RAD18: variants seen among roughly 807,000 people sequenced by gnomAD.
The protein encoded by RAD18 is RAD18 E3 ubiquitin protein ligase, also known as E3 ubiquitin-protein ligase RAD18.
In RAD18, 47 loss-of-function variants were observed where a neutral mutation model predicts 60.4. The observed-to-expected ratio is 0.78, with a 90% CI of 0.62 to 0.99. The LOEUF is 0.99. RAD18 is among the 50% of genes least tolerant of loss of function. The probability of loss-of-function intolerance (pLI) is 0.00; values close to 1 mark genes in which losing one functional copy is unlikely to be tolerated. For synonymous variants in RAD18, 225 were observed against 195.5 expected (o/e 1.15, Z -1.26); for missense variants, 640 against 593.3 (o/e 1.08, Z -0.82).
chr3:8,955,620 G>A (rs1940996151), intron 2 of RAD18, among the ~76,000 whole-genome samples: 3 of 152,192 alleles, frequency 2.0e-5, no homozygotes, highest in Admixed American at 2.0e-4. Context: ...TTAGATGCTT[G>A]AGGGCAGCTG....
Position 8,935,873 on chromosome 3 carries a change from G to A in RAD18, c.887C>T (p.Ser296Leu). The A allele has an allele frequency of 6.4e-7, 1 of 1,573,674 alleles. No homozygotes were observed. The highest frequency in any genetic ancestry group is 8.6e-7 in the Non-Finnish European group (1 of 1,163,556). Reference sequence around the variant, plus strand: ...AACTCACTGTTTTATTACTTTACCTGATTTAGGATGCAAAGCATCGCATTG... The same window carrying A: ...AACTCACTGTTTTATTACTTTACCTAATTTAGGATGCAAAGCATCGCATTG... ...NAQCDALHPK[S>L]AAEIVREIEN... Residue 296 changes from serine to leucine, a missense_variant and splice_region_variant, in exon 7 of 13, where the codon TCA becomes TTA. Physicochemically the swap from Ser to Leu is moderately radical, Grantham distance 145. Transcript: ENST00000264926.
At chr3:8,950,645 C>A (rs1046661174) in intron 2 of RAD18, among the ~76,000 whole-genome samples, 1 of 152,168 alleles carries the variant, frequency 6.6e-6, no homozygotes, top group Admixed American at 6.5e-5. Context: ...AACAAAAAAA[C>A]CACAAGGAAA....
chr3:8,915,022 G>A (rs892397186), intron 7 of RAD18, among the ~76,000 whole-genome samples: 66 of 151,620 alleles, frequency 4.4e-4, no homozygotes, highest in African/African-American at 1.4e-3. Flanking sequence ...GGTGGGGGGC[G>A]CCTATAGTCC....
Position 8,877,937 on chromosome 3 carries a change from A to G in RAD18, c.*3420T>C, listed in dbSNP as rs1939391979. 1 of 152,294 alleles carries G rather than the reference A, an allele frequency of 6.6e-6. No individual in the cohort carries two copies. Among genetic ancestry groups the G allele is most frequent in the African/African-American group, 2.4e-5 (1 of 41,468 alleles). 9.4% of individuals were successfully genotyped at this position (152,294 alleles called of 1,614,324 possible). A position where few individuals can be genotyped will look rare whatever the true frequency, so the allele number is the denominator to read the frequency against. ...TGATAGTACACTAGCAAACCAGGAAAGCACACTCCCATTTCCACTTGGAAC... is the reference window on the plus strand; with the variant it reads ...TGATAGTACACTAGCAAACCAGGAAGGCACACTCCCATTTCCACTTGGAAC... On this transcript the variant is annotated 3_prime_UTR_variant, in exon 13 of 13. Coordinates refer to ENST00000264926, the MANE Select transcript of RAD18 (RefSeq NM_020165.4).
chr3:8,952,868 T>C (rs1433872591), intron 2 of RAD18, among the ~76,000 whole-genome samples: 1 of 152,176 alleles, frequency 6.6e-6, no homozygotes, highest in Non-Finnish European at 1.5e-5. Flanking sequence ...AATATATTAA[T>C]TATTAAAAAT....
intron 2 of RAD18, among the ~76,000 whole-genome samples, chr3:8,955,072 G>A (rs1388450180): frequency 6.6e-6 from 1 of 152,206 alleles, no homozygotes; most frequent in Non-Finnish European, 1.5e-5. Flanking sequence ...TGTATCCCTA[G>A]GGAGAGAAAC....
intron 9 of RAD18, 142 bp downstream of exon 9, chr3:8,912,170 C>A (rs1009092633): frequency 4.9e-5 from 32 of 646,798 alleles, no homozygotes; most frequent in African/African-American, 4.9e-4. Context: ...TAAGTAAACA[C>A]CCAATTAAAA....
chr3:8,962,443 T>C (rs1941106503), intron 1 of RAD18, among the ~76,000 whole-genome samples: 1 of 152,232 alleles, frequency 6.6e-6, no homozygotes, highest in Admixed American at 6.5e-5. Context: ...AACAAGGCCT[T>C]CTACTTACTT....
chr3:8,949,575 G>A (rs1299666025), intron 2 of RAD18, among the ~76,000 whole-genome samples: 4 of 152,188 alleles, frequency 2.6e-5, no homozygotes, highest in South Asian at 2.1e-4. Flanking sequence ...GTCCTAACAA[G>A]TAAAAAGCTG....
chr3:8,887,732 C>T (rs141889777), intron 12 of RAD18, among the ~76,000 whole-genome samples: 1 of 152,246 alleles, frequency 6.6e-6, no homozygotes, highest in Non-Finnish European at 1.5e-5. Context: ...CTTCAGGGAA[C>T]CATCAGACAG....
chr3:8,920,853 T>C (rs938835953), intron 7 of RAD18, among the ~76,000 whole-genome samples: 1 of 152,136 alleles, frequency 6.6e-6, no homozygotes, highest in African/African-American at 2.4e-5. Flanking sequence ...CGAAATGCAA[T>C]ATGTGATCCA....
At chr3:8,920,264 G>A (rs1303615629) in intron 7 of RAD18, among the ~76,000 whole-genome samples, 1 of 138,446 alleles carries the variant, frequency 7.2e-6, no homozygotes, top group Non-Finnish European at 1.5e-5. Context: ...GGACGACAGA[G>A]CGAGACTCCG....
intron 2 of RAD18, among the ~76,000 whole-genome samples, chr3:8,949,677 G>A (rs78503252): frequency 1.3e-5 from 2 of 152,088 alleles, no homozygotes; most frequent in African/African-American, 2.4e-5. Flanking sequence ...GAGAGAGAGG[G>A]GGGTAATACA....
intron 7 of RAD18, among the ~76,000 whole-genome samples, chr3:8,917,672 TATA>T (rs1401184733): frequency 1.4e-5 from 2 of 145,944 alleles, no homozygotes; most frequent in African/African-American, 4.9e-5. Context: ...AGAAATAAAA[TATA>T]ATAATAAAAA....
At chr3:8,945,255 TG>T (rs1940819693) in intron 4 of RAD18, among the ~76,000 whole-genome samples, 1 of 152,090 alleles carries the variant, frequency 6.6e-6, no homozygotes, top group African/African-American at 2.4e-5. Flanking sequence ...AATAAAGAAA[TG>T]TGTAATTCTA....
At chr3:8,900,457 C>A (rs1216027986) in intron 10 of RAD18, among the ~76,000 whole-genome samples, 1 of 152,208 alleles carries the variant, frequency 6.6e-6, no homozygotes, top group Admixed American at 6.5e-5. Context: ...TTTCTTACTT[C>A]TTCCACTCTT....
intron 1 of RAD18, among the ~76,000 whole-genome samples, chr3:8,959,850 C>T (rs970251252): frequency 1.3e-5 from 2 of 148,904 alleles, no homozygotes; most frequent in African/African-American, 5.0e-5. Flanking sequence ...CCACTATACT[C>T]CAGCCTGCAT....
chr3:8,941,538 A>ATC lies in RAD18; in HGVS notation c.531_532dup (p.Ile178ArgfsTer20). On this transcript the variant is annotated frameshift_variant, in exon 5 of 13. Transcript: ENST00000264926. LOFTEE classifies it high-confidence loss of function. The stretch of plus-strand genomic sequence containing the variant: ...CTTAGCCTCTGAGGGATCTGGAGCG[A>ATC]TCTCTTCTACAGAACGTGTCTCTTT... 1 of 1,614,084 alleles carries ATC rather than the reference A, an allele frequency of 6.2e-7. No individual in the cohort carries two copies. The highest frequency in any genetic ancestry group is 8.5e-7 in the Non-Finnish European group (1 of 1,179,990).
chr3:8,917,328 C>T (rs911952414), intron 7 of RAD18, among the ~76,000 whole-genome samples: 1 of 152,070 alleles, frequency 6.6e-6, no homozygotes, highest in Non-Finnish European at 1.5e-5. Flanking sequence ...ATTAGAAGAA[C>T]CAGAGAGAAA....
Sources: gnomAD v4.1 joint callset for allele counts (sites outside exome capture counted in the v4.1 genomes callset) on GRCh38, gnomAD v4.1.1 for gene constraint, MANE v1.5 for transcripts, NCBI Gene and HGNC (gene_info 2026-07-23, HGNC 2026-07-21) for gene names.